The following DARS1 variants were observed in gnomAD, a reference collection of about 807,000 sequenced individuals.
DARS1 encodes the protein aspartyl-tRNA synthetase 1.
In DARS1, 51 loss-of-function variants were observed where a neutral mutation model predicts 68.8. That is an observed-to-expected ratio of 0.74 (90% CI 0.59 to 0.94). The LOEUF (loss-of-function observed/expected upper bound fraction) is 0.94, where lower values mean the gene tolerates loss of function less well. Among genes scored for constraint, DARS1 ranks in the 40% least tolerant of loss-of-function variants. DARS1 has a pLI of 0.00. For missense variants in DARS1, 607 were observed against 597.3 expected (o/e 1.02, Z -0.17); for synonymous variants, 203 against 190.4 (o/e 1.07, Z -0.55).
intron 3 of DARS1, among the ~76,000 whole-genome samples, chr2:135,975,753 CAAAA>C (rs1170740469): frequency 5.6e-5 from 4 of 71,732 alleles, no homozygotes; most frequent in Non-Finnish European, 6.0e-5. Flanking sequence ...GACCCTGACT[CAAAA>C]AAAAAAAAAA....
chr2:135,963,734 C>T (rs1401657711), intron 3 of DARS1, among the ~76,000 whole-genome samples: 1 of 150,766 alleles, frequency 6.6e-6, no homozygotes, highest in Admixed American at 6.6e-5. Flanking sequence ...GGCTGGAATG[C>T]AATGGCATAA....
intron 10 of DARS1, among the ~76,000 whole-genome samples, chr2:135,919,239 C>T (rs1259787740): frequency 6.6e-6 from 1 of 152,034 alleles, no homozygotes; most frequent in East Asian, 1.9e-4. Flanking sequence ...CTAAGTTGGC[C>T]GGGTCGGTCT....
At chr2:135,974,236 A>C (rs1193933258) in intron 3 of DARS1, among the ~76,000 whole-genome samples, 3 of 152,162 alleles carry the variant, frequency 2.0e-5, no homozygotes, top group South Asian at 2.1e-4. Flanking sequence ...ATACTCTGCC[A>C]CTCTGCACAT....
intron 3 of DARS1, among the ~76,000 whole-genome samples, chr2:135,977,238 C>T (rs1266318566): frequency 3.9e-5 from 6 of 152,162 alleles, no homozygotes; most frequent in Non-Finnish European, 8.8e-5. Context: ...TTAATATATA[C>T]TTGTTTTAAG....
chr2:135,957,896 A>T (rs1426632021), intron 4 of DARS1, among the ~76,000 whole-genome samples: 2 of 152,220 alleles, frequency 1.3e-5, no homozygotes, highest in East Asian at 3.8e-4. Context: ...ATAAAAACAA[A>T]ATTCAAATTA....
intron 1 of DARS1, chr2:135,985,066 G>A: frequency 5.6e-6 from 2 of 359,646 alleles, no homozygotes; most frequent in Non-Finnish European, 1.0e-5. Flanking sequence ...ATTTTCCCAG[G>A]GATTGTGCAT....
At chr2:135,932,208 G>A (rs1028423574) in intron 7 of DARS1, among the ~76,000 whole-genome samples, 3 of 152,112 alleles carry the variant, frequency 2.0e-5, no homozygotes, top group Admixed American at 2.0e-4. Flanking sequence ...GGAAGATGTG[G>A]TCAAAATATT....
chr2:135,951,854 C>G (rs1264625585), intron 4 of DARS1, among the ~76,000 whole-genome samples: 1 of 152,162 alleles, frequency 6.6e-6, no homozygotes, highest in East Asian at 1.9e-4. Flanking sequence ...CACAAGCAAA[C>G]TGCACATTTT....
chr2:135,960,174 G>A (rs542885335), intron 4 of DARS1, among the ~76,000 whole-genome samples: 2 of 152,290 alleles, frequency 1.3e-5, no homozygotes, highest in African/African-American at 4.8e-5. Flanking sequence ...ACACGTAGAA[G>A]AAAAGTGGTC....
Position 135,979,325 on chromosome 2 carries a change from CT to C in DARS1, c.165del (p.Ala56LeufsTer23). On this transcript the variant is annotated frameshift_variant, in exon 3 of 16. Coordinates refer to ENST00000264161, the MANE Select transcript of DARS1 (RefSeq NM_001349.4). LOFTEE classifies it high-confidence loss of function. The stretch of plus-strand genomic sequence containing the variant: ...GCACGTACCCAAACAACTTCATCAG[CT>C]TTTTGTATTGTCAAGTCTCTAACCC... The part of the protein sequence containing the change: ...LVRVRDLTIQ[K>X]ADEVVWVRAR... The C allele has an allele frequency of 2.6e-6, 4 of 1,521,408 alleles. No homozygotes were observed. The highest frequency in any genetic ancestry group is 3.7e-6 in the Non-Finnish European group (4 of 1,095,254). The allele number at this position is 1,521,408 out of a possible 1,614,324, so 94.2% of individuals were successfully genotyped here.
At chr2:135,915,900 T>A (rs113641203) in intron 11 of DARS1, among the ~76,000 whole-genome samples, 1 of 152,126 alleles carries the variant, frequency 6.6e-6, no homozygotes, top group Non-Finnish European at 1.5e-5. Flanking sequence ...TGGAAAATGG[T>A]GTTTATAAAC....
At chr2:135,968,646 C>A (rs1284709063) in intron 3 of DARS1, among the ~76,000 whole-genome samples, 1 of 149,928 alleles carries the variant, frequency 6.7e-6, no homozygotes, top group Non-Finnish European at 1.5e-5. Context: ...CAATGCCACA[C>A]TGGGGATTCA....
At chr2:135,949,300 C>T (rs1558790650) in intron 4 of DARS1, among the ~76,000 whole-genome samples, 1 of 151,904 alleles carries the variant, frequency 6.6e-6, no homozygotes, top group Non-Finnish European at 1.5e-5. Flanking sequence ...ACTCACTGTC[C>T]TCTCTAACAG....
At chr2:135,960,826 G>T (rs189280732) in intron 4 of DARS1, among the ~76,000 whole-genome samples, 1 of 152,260 alleles carries the variant, frequency 6.6e-6, no homozygotes, top group East Asian at 1.9e-4. Flanking sequence ...ACAATGTGCT[G>T]CTTCTACGGG....
intron 12 of DARS1, among the ~76,000 whole-genome samples, chr2:135,913,430 C>T (rs899649513): frequency 7.2e-5 from 11 of 152,076 alleles, no homozygotes; most frequent in African/African-American, 2.7e-4. Flanking sequence ...AGAATGCTTA[C>T]TATGTGACCT....
intron 3 of DARS1, among the ~76,000 whole-genome samples, chr2:135,978,302 CT>C (rs1018813883): frequency 6.6e-6 from 1 of 151,936 alleles, no homozygotes; most frequent in African/African-American, 2.4e-5. Flanking sequence ...TTAAAAAATG[CT>C]ATTATCATGG....
At chr2:135,933,328 A>G (rs1163309910) in intron 6 of DARS1, among the ~76,000 whole-genome samples, 2 of 152,266 alleles carry the variant, frequency 1.3e-5, no homozygotes, top group Non-Finnish European at 2.9e-5. Flanking sequence ...GAGTATACTG[A>G]GCAGTCTGCT....
At chr2:135,982,833 G>C (rs951717639) in intron 2 of DARS1, among the ~76,000 whole-genome samples, 1 of 152,104 alleles carries the variant, frequency 6.6e-6, no homozygotes, top group Non-Finnish European at 1.5e-5. Flanking sequence ...GATGGCCTTT[G>C]GTTCTAATCC....
At chr2:135,971,974 G>C (rs1419568536) in intron 3 of DARS1, among the ~76,000 whole-genome samples, 1 of 152,048 alleles carries the variant, frequency 6.6e-6, no homozygotes, top group African/African-American at 2.4e-5. Flanking sequence ...CATGTTCATG[G>C]ATGGGAAGAA....
Sources: allele counts gnomAD v4.1 joint callset (sites outside exome capture counted in the v4.1 genomes callset), GRCh38; gene constraint gnomAD v4.1.1; transcripts MANE v1.5; gene names NCBI Gene and HGNC (gene_info 2026-07-23, HGNC 2026-07-21).